The following CELF2 variants were observed in gnomAD, a reference collection of about 807,000 sequenced individuals.
CELF2 encodes CUG triplet repeat RNA-binding protein 2.
In CELF2, 8 loss-of-function variants were observed where a neutral mutation model predicts 62.6. The observed-to-expected ratio is 0.13, with a 90% CI of 0.07 to 0.23. The LOEUF is 0.23. CELF2 is among the 10% of genes least tolerant of loss of function. CELF2 has a pLI of 1.00. For synonymous variants in CELF2, 258 were observed against 250.0 expected, an observed-to-expected ratio of 1.03 and a Z score of -0.30; for missense variants, 333 against 671.0, an observed-to-expected ratio of 0.50 and a Z score of 5.56.
the CELF2 span, among the ~76,000 whole-genome samples, chr10:10,615,950 A>G: frequency 6.6e-6 from 1 of 152,200 alleles, no homozygotes; most frequent in Non-Finnish European, 1.5e-5. Context: ...GATATACATT[A>G]TCAAGAAAGC....
intron 1 of CELF2, among the ~76,000 whole-genome samples, chr10:10,856,713 C>T (rs1436556677): frequency 6.6e-6 from 1 of 152,166 alleles, no homozygotes; most frequent in Non-Finnish European, 1.5e-5. Flanking sequence ...TTCACTTTCT[C>T]AAAGGATTTA....
In CELF2 at chr10:11,215,648, C is replaced by T. The variant is rs111986650; in HGVS notation, c.272-1777C>T. Among the ~76,000 whole-genome samples, 688 of 151,534 alleles carry T rather than the reference C, an allele frequency of 4.5e-3. 7 individuals carry two copies. The highest frequency in any genetic ancestry group is 0.016 in the African/African-American group (641 of 41,278). ...GAGGCGGTAATTCAGAACTTCCCCA[C>T]TGCTTCCTTATCCAGAAGCTAACGC... On this transcript the variant is annotated intron_variant, in intron 2 of 12. Coordinates refer to ENST00000633077, the MANE Select transcript of CELF2 (RefSeq NM_001326342.2).
the CELF2 span, among the ~76,000 whole-genome samples, chr10:10,724,068 A>G: frequency 6.6e-6 from 1 of 152,248 alleles, no homozygotes; most frequent in Non-Finnish European, 1.5e-5. Context: ...TGACTTCAAG[A>G]AGCAGAAAGA....
At chr10:10,557,654 T>G in the CELF2 span, among the ~76,000 whole-genome samples, 1 of 152,060 alleles carries the variant, frequency 6.6e-6, no homozygotes, top group Non-Finnish European at 1.5e-5. Context: ...TATTGATTCT[T>G]CCTGCCCATG....
intron 1 of CELF2, among the ~76,000 whole-genome samples, chr10:11,028,871 C>G (rs1044673351): frequency 6.6e-6 from 1 of 152,056 alleles, no homozygotes; most frequent in African/African-American, 2.4e-5. Flanking sequence ...AGGCCCCCAC[C>G]TGGCTAATTG....
chr10:11,267,187 C>T lies in CELF2; in HGVS notation c.618+510C>T, dbSNP rs1033480967. Among the ~76,000 whole-genome samples, 8 of 152,196 alleles carry T rather than the reference C, an allele frequency of 5.3e-5. 1 individual carries two copies. The highest frequency in any genetic ancestry group is 4.6e-4 in the Admixed American group (7 of 15,290). On this transcript the variant is annotated intron_variant, in intron 6 of 12. Transcript: ENST00000633077. The surrounding 1 kb of genome is among the most constrained non-coding windows in gnomAD (Gnocchi z 4.4). ...AATGTTGGAGAAAGTTAATATTTCT[C>T]CCACTGCATTTAACATTGAAAGTGC...
chr10:10,850,642 A>G (rs1445061365), intron 1 of CELF2, among the ~76,000 whole-genome samples: 5 of 152,234 alleles, frequency 3.3e-5, no homozygotes. Flanking sequence ...TCAATTGCAA[A>G]CAATAACAGG....
At chr10:10,979,566 G>A (rs915469932) in intron 2 of CELF2, among the ~76,000 whole-genome samples, 1 of 151,740 alleles carries the variant, frequency 6.6e-6, no homozygotes, top group Non-Finnish European at 1.5e-5. Context: ...AGCTATGCAG[G>A]GGGCTGAGGT....
rs72106119 is a variant in CELF2 at position 11,157,407 on chromosome 10, CAA to C, written c.75-8075_75-8074del. ...CGCCCTCCCCCCACACACACACACA[CAA>C]AAATTTCACTTAAACATTGCTCACA... is the stretch of plus-strand genomic sequence containing the variant. On this transcript the variant is annotated intron_variant, in intron 1 of 12. Coordinates refer to ENST00000633077, the MANE Select transcript of CELF2 (RefSeq NM_001326342.2). The surrounding 1 kb of genome is among the most constrained non-coding windows in gnomAD (Gnocchi z 4.9). 0.39 allele frequency among the ~76,000 whole-genome samples: 59,063 copies of C among 150,086 alleles called. 12,450 individuals carry two copies. The highest frequency in any genetic ancestry group is 0.83 in the East Asian group (4,259 of 5,156).
At chr10:10,800,005 C>T (rs1222261991) in intron 1 of CELF2, among the ~76,000 whole-genome samples, 3 of 152,090 alleles carry the variant, frequency 2.0e-5, no homozygotes, top group Admixed American at 6.5e-5. Context: ...AATGTGCGGA[C>T]GTTACTGGAA....
the CELF2 span, among the ~76,000 whole-genome samples, chr10:10,681,877 G>A: frequency 1.3e-5 from 2 of 152,170 alleles, no homozygotes; most frequent in East Asian, 3.9e-4. Flanking sequence ...AAGTTTGTTT[G>A]TATTGCTTAG....
the CELF2 span, chr10:10,786,574 A>G: frequency 2.6e-5 from 4 of 152,204 alleles, no homozygotes; most frequent in East Asian, 7.7e-4. Context: ...TCAATCTGCT[A>G]TTACAAGTTT....
At chr10:11,161,887 C>G (rs1041856261) in intron 1 of CELF2, among the ~76,000 whole-genome samples, 7 of 152,220 alleles carry the variant, frequency 4.6e-5, no homozygotes, top group Middle Eastern at 3.4e-3. Flanking sequence ...CAGGTACCTC[C>G]AAAGGTTTAA....
the CELF2 span, among the ~76,000 whole-genome samples, chr10:10,566,457 G>A: frequency 2.9e-5 from 4 of 140,344 alleles, no homozygotes; most frequent in East Asian, 8.4e-4. Flanking sequence ...TAGGGTACAT[G>A]TGCACATTGT....
At chr10:10,482,434 G>T in the CELF2 span, among the ~76,000 whole-genome samples, 6 of 152,092 alleles carry the variant, frequency 3.9e-5, no homozygotes, top group African/African-American at 1.2e-4. Context: ...GGCTGTAAAT[G>T]GTCAAATCAA....
the CELF2 span, among the ~76,000 whole-genome samples, chr10:10,499,513 A>G: frequency 2.6e-4 from 40 of 152,166 alleles, no homozygotes; most frequent in African/African-American, 9.7e-4. Flanking sequence ...GTGCAGTTTA[A>G]GTTGGGGCAG....
In CELF2 at chr10:11,311,553, C is replaced by T. The variant is rs563984281; in HGVS notation, c.977-2586C>T. On this transcript the variant is annotated intron_variant, in intron 9 of 12. Coordinates refer to ENST00000633077, the MANE Select transcript of CELF2 (RefSeq NM_001326342.2). This position sits in a 1 kb window ranked among gnomAD's most constrained non-coding sequence, Gnocchi z 4.7. The stretch of plus-strand genomic sequence containing the variant: ...CTCAGATATTAGCATTATTAGCATA[C>T]AACAGAAAGGAAATACAGCTAATAT... Among the ~76,000 whole-genome samples the T allele has an allele frequency of 1.2e-4, 18 of 151,916 alleles. No homozygotes were observed. The highest frequency in any genetic ancestry group is 4.1e-4 in the African/African-American group (17 of 41,384).
At chr10:10,996,275 G>A (rs1246449029) in intron 2 of CELF2, among the ~76,000 whole-genome samples, 2 of 152,170 alleles carry the variant, frequency 1.3e-5, no homozygotes, top group African/African-American at 4.8e-5. Flanking sequence ...CCCTACTCCA[G>A]CCCCCTAGCC....
chr10:11,134,085 T>G (rs1224360788), intron 1 of CELF2, among the ~76,000 whole-genome samples: 1 of 152,234 alleles, frequency 6.6e-6, no homozygotes, highest in African/African-American at 2.4e-5. Flanking sequence ...AATATTTTAC[T>G]AAGAATATAA....
Sources: allele counts gnomAD v4.1 joint callset (sites outside exome capture counted in the v4.1 genomes callset), GRCh38; gene constraint gnomAD v4.1.1; non-coding constraint Gnocchi (gnomAD v3.1); transcripts MANE v1.5; gene names NCBI Gene and HGNC (gene_info 2026-07-23, HGNC 2026-07-21).